Variants in ARHGAP20 observed in about 807,000 individuals in gnomAD.
ARHGAP20 encodes the protein Rho GTPase activating protein 20.
A neutral mutation model predicts 73.7 loss-of-function variants in ARHGAP20; 34 were observed. That is an observed-to-expected ratio of 0.46 (90% confidence interval 0.35 to 0.61). ARHGAP20 has a LOEUF of 0.61. Ranked by LOEUF, ARHGAP20 falls within the 20% of genes least tolerant of loss-of-function variation. The pLI is 0.00. For missense variants in ARHGAP20, 1,314 were observed against 1,420.9 expected (o/e 0.92, Z 1.21); for synonymous variants, 523 against 518.2 (o/e 1.01, Z -0.13).
chr11:110,590,664 A>G lies in ARHGAP20; in HGVS notation c.1289T>C (p.Ile430Thr). ...TCTTCTTACCTTTAAGACAGATGCT[A>G]TCACAAAAATAGATTCACAGTCTAG... ...VHLDCESIFV[I>T]ASVLKDFLRN... Residue 430 changes from isoleucine to threonine, a missense_variant, in exon 11 of 15, where the codon ATA (isoleucine) becomes ACA (threonine). Ile to Thr is a moderately conservative substitution (Grantham distance 89, BLOSUM62 -1). Coordinates refer to ENST00000683387, the MANE Select transcript of ARHGAP20 (RefSeq NM_001384657.1). 6.2e-7 allele frequency: 1 copy of G among 1,613,896 alleles called. No homozygotes were observed. Among genetic ancestry groups the G allele is most frequent in the Non-Finnish European group, 8.5e-7 (1 of 1,179,898 alleles).
At chr11:110,712,474 C>A, upstream of ARHGAP20, 1 of 166,954 alleles carries the variant, frequency 6.0e-6, no homozygotes, top group South Asian at 1.9e-4. Context: ...GCCCGCCCCG[C>A]CTCGGGCCCG....
In ARHGAP20 at chr11:110,644,997, T is replaced by TTCTCTCTCTC. The variant is rs71476091; in HGVS notation, c.189-14215_189-14206dup. ...GTGAGCAAAGGACATGAACAGACAC[T>TTCTCTCTCTC]TCTCTCTCTCTCTCTCTCTTTTATT... On this transcript the variant is annotated intron_variant, in intron 2 of 14. Transcript: ENST00000683387. 9.7e-3 allele frequency among the ~76,000 whole-genome samples: 1,465 copies of TTCTCTCTCTC among 150,502 alleles called. 21 individuals carry two copies. Among genetic ancestry groups the TTCTCTCTCTC allele is most frequent in the African/African-American group, 0.03 (1,243 of 41,016 alleles).
At chr11:110,608,432 A>G (rs926292544) in intron 8 of ARHGAP20, among the ~76,000 whole-genome samples, 3 of 152,188 alleles carry the variant, frequency 2.0e-5, no homozygotes, top group Non-Finnish European at 4.4e-5. Context: ...CTAGAGAAAT[A>G]GCAAAATAAT....
At chr11:110,616,459 A>T (rs1948484695) in intron 4 of ARHGAP20, among the ~76,000 whole-genome samples, 1 of 152,038 alleles carries the variant, frequency 6.6e-6, no homozygotes, top group Admixed American at 6.6e-5. Context: ...TGTAGGCTTG[A>T]ACTCCTGGGG....
chr11:110,579,319 A>G lies in ARHGAP20; in HGVS notation c.*51T>C, dbSNP rs1947369656. On this transcript the variant is annotated 3_prime_UTR_variant, in exon 15 of 15. Transcript: ENST00000683387. The stretch of plus-strand genomic sequence containing the variant: ...AAAGGGGTCATAATAATTATTGTCT[A>G]TTATTATTAACCCAGTTCCTGTTCT... 1 of 1,513,172 alleles carries G rather than the reference A, an allele frequency of 6.6e-7. No individual in the cohort carries two copies. Among genetic ancestry groups the G allele is most frequent in the African/African-American group, 1.4e-5 (1 of 72,020 alleles). The allele number at this position is 1,513,172 out of a possible 1,614,324, so 93.7% of individuals were successfully genotyped here.
intron 1 of ARHGAP20, among the ~76,000 whole-genome samples, chr11:110,693,801 G>C (rs1196303694): frequency 6.6e-6 from 1 of 151,774 alleles, no homozygotes; most frequent in African/African-American, 2.4e-5. Context: ...AAACTTATCA[G>C]GACAGGCTTA....
At chr11:110,689,237 G>A (rs1013021322) in intron 2 of ARHGAP20, among the ~76,000 whole-genome samples, 4 of 151,704 alleles carry the variant, frequency 2.6e-5, no homozygotes, top group Non-Finnish European at 4.4e-5. Flanking sequence ...TCCTAACCTC[G>A]TGACCCGCCC....
At chr11:110,648,176 T>TATATATATATGTAC (rs1565457283) in intron 2 of ARHGAP20, among the ~76,000 whole-genome samples, 1 of 91,584 alleles carries the variant, frequency 1.1e-5, no homozygotes, top group African/African-American at 4.3e-5. Flanking sequence ...TATGTAAATA[T>TATATATATATGTAC]ATATATATAT....
In ARHGAP20 at chr11:110,614,609, C is replaced by G. The variant is rs1325355907; in HGVS notation, c.582G>C (p.Lys194Asn). ...TGGCGAAGATTTTGAGGGGAATGCT[C>G]TTCGGGTAGTCCTTTTCTTTCTCTA... The part of the protein sequence containing the change: ...INLEKEKDYP[K>N]SIPLKIFAKD... The change falls in exon 6 of 15, where the codon AAG (lysine) becomes AAC (asparagine). Residue 194 changes from lysine to asparagine, a missense_variant. By Grantham distance (94) the Lys-to-Asn change is moderately conservative (BLOSUM62 0). Coordinates refer to ENST00000683387, the MANE Select transcript of ARHGAP20 (RefSeq NM_001384657.1). The G allele has an allele frequency of 6.2e-7, 1 of 1,612,878 alleles. No homozygotes were observed. The highest frequency in any genetic ancestry group is 8.5e-7 in the Non-Finnish European group (1 of 1,179,554).
intron 9 of ARHGAP20, among the ~76,000 whole-genome samples, chr11:110,596,552 A>G (rs1201855696): frequency 6.6e-6 from 1 of 152,214 alleles, no homozygotes; most frequent in African/African-American, 2.4e-5. Flanking sequence ...GCTCATCATC[A>G]CTGCCCATCA....
intron 2 of ARHGAP20, among the ~76,000 whole-genome samples, chr11:110,643,134 C>A (rs1009712202): frequency 2.0e-5 from 3 of 152,036 alleles, no homozygotes; most frequent in Non-Finnish European, 4.4e-5. Context: ...TCACCTTTGT[C>A]ATTTCTGACT....
chr11:110,700,006 T>A (rs774232077), intron 1 of ARHGAP20, among the ~76,000 whole-genome samples: 2 of 152,082 alleles, frequency 1.3e-5, no homozygotes, highest in Non-Finnish European at 2.9e-5. Flanking sequence ...AAACACTTTT[T>A]AAATAAAAAC....
At chr11:110,707,049 A>G (rs1441357364) in intron 1 of ARHGAP20, among the ~76,000 whole-genome samples, 1 of 152,146 alleles carries the variant, frequency 6.6e-6, no homozygotes, top group Non-Finnish European at 1.5e-5. Flanking sequence ...GAGGTGTTAT[A>G]AACAGATTTG....
intron 2 of ARHGAP20, among the ~76,000 whole-genome samples, chr11:110,646,403 G>A (rs1192898072): frequency 6.6e-6 from 1 of 152,044 alleles, no homozygotes; most frequent in Admixed American, 6.6e-5. Flanking sequence ...AGGATAAGGA[G>A]GAACCACATA....
At chr11:110,647,705 A>C (rs2053867) in intron 2 of ARHGAP20, among the ~76,000 whole-genome samples, 42,695 of 151,984 alleles carry the variant, frequency 0.28, 6,404 homozygotes, top group African/African-American at 0.39. Flanking sequence ...TTTTGAAATC[A>C]AAGGAAGGAA....
At chr11:110,683,522 A>G (rs1950075260) in intron 2 of ARHGAP20, among the ~76,000 whole-genome samples, 1 of 152,172 alleles carries the variant, frequency 6.6e-6, no homozygotes, top group African/African-American at 2.4e-5. Context: ...CATCCAACAA[A>G]TAATAACTGA....
chr11:110,688,331 T>G (rs902305726), intron 2 of ARHGAP20, among the ~76,000 whole-genome samples: 11 of 150,288 alleles, frequency 7.3e-5, no homozygotes, highest in Non-Finnish European at 1.3e-4. Context: ...AGTACCTGCA[T>G]GTATACTTAT....
Position 110,579,542 on chromosome 11 carries a change from A to G in ARHGAP20, c.3404T>C (p.Leu1135Pro), listed in dbSNP as rs201024136. ...PFSLVESRLK[L>P]CMKSHEEIEP... The stretch of plus-strand genomic sequence containing the variant: ...TATTTCCTCATGTGACTTCATGCAC[A>G]GCTTAAGTCTGCTCTCCACCAGGCT... Residue 1135 changes from leucine (L) to proline (P), a missense_variant, in exon 15 of 15, where the codon CTG (leucine) becomes CCG (proline). Leu to Pro is a moderately conservative substitution (Grantham distance 98). Around this residue, in one of 3 missense-constraint regions of ARHGAP20, gnomAD observed 641 missense variants for 636.9 expected, o/e 1.01. Transcript: ENST00000683387. 1.2e-6 allele frequency: 2 copies of G among 1,613,990 alleles called. No individual in the cohort carries two copies. Among genetic ancestry groups the G allele is most frequent in the Middle Eastern group, 1.6e-4 (1 of 6,062 alleles).
At chr11:110,614,958 A>C (rs1187233694) in intron 5 of ARHGAP20, among the ~76,000 whole-genome samples, 1 of 152,184 alleles carries the variant, frequency 6.6e-6, no homozygotes, top group Non-Finnish European at 1.5e-5. Flanking sequence ...CACCTTACTG[A>C]TAAGTATAGG....
Sources: allele counts gnomAD v4.1 joint callset (sites outside exome capture counted in the v4.1 genomes callset), GRCh38; gene constraint gnomAD v4.1.1; regional missense constraint gnomAD v4.1.1; transcripts MANE v1.5; gene names NCBI Gene and HGNC (gene_info 2026-07-23, HGNC 2026-07-21).